The following EGR4 variants were observed in gnomAD, a reference collection of about 807,000 sequenced individuals.
The protein encoded by EGR4 is early growth response 4.
A neutral mutation model predicts 25.4 loss-of-function variants in EGR4; 22 were observed. The observed-to-expected ratio is 0.87, with a 90% CI of 0.62 to 1.24. EGR4 has a LOEUF of 1.24. Ranked by LOEUF, EGR4 falls within the 50% of genes most tolerant of loss-of-function variation. The probability of loss-of-function intolerance (pLI) is 0.00; values close to 1 mark genes in which losing one functional copy is unlikely to be tolerated. For synonymous variants in EGR4, 375 were observed against 320.1 expected (o/e 1.17, Z -1.83); for missense variants, 742 against 702.9 (o/e 1.06, Z -0.63).
At chr2:73,293,052 C>G in intron 1 of EGR4, 130 bp downstream of exon 1, 1 of 1,045,142 alleles carries the variant, frequency 9.6e-7, no homozygotes, top group Non-Finnish European at 1.3e-6. Flanking sequence ...GGTGCGCACC[C>G]CAGGACTCCT....
At position 73,292,660 on chromosome 2, in the gene EGR4, G is replaced by A; in HGVS notation, c.258C>T (p.Phe86=). 6.5e-7 allele frequency: 1 copy of A among 1,547,092 alleles called. No individual in the cohort carries two copies. Among genetic ancestry groups the A allele is most frequent in the Non-Finnish European group, 8.7e-7 (1 of 1,146,524 alleles). The change falls in exon 2 of 2, where the codon TTC becomes TTT. Residue 86 remains phenylalanine (F), a synonymous_variant. Coordinates refer to ENST00000436467, the MANE Select transcript of EGR4 (RefSeq NM_001965.4). The part of the protein sequence containing the change: ...PPPGLSYSGS[F]FIQAVPEHPH... ...GGTGTTCGGGCACTGCCTGAATGAA[G>A]AAGCTACCGCTGTAGCTGAGGCCGG...
In EGR4 at chr2:73,291,964, G is replaced by A. The variant is rs748451148; in HGVS notation, c.954C>T (p.Ser318=). Reference sequence around the variant, plus strand: ...GTTTAGGGAAGTCCGCCGCGGCGGCGCTGCGAAGGCCCAGCGGGGAAAGCT... The same window carrying A: ...GTTTAGGGAAGTCCGCCGCGGCGGCACTGCGAAGGCCCAGCGGGGAAAGCT... The part of the protein sequence containing the change: ...QPQLSPLGLR[S]AAAADFPKPL... The change falls in exon 2 of 2, where the codon AGC becomes AGT. Residue 318 remains serine, a synonymous_variant. Transcript: ENST00000436467. 46 of 1,594,952 alleles carry A rather than the reference G, an allele frequency of 2.9e-5. No individual in the cohort carries two copies. Among genetic ancestry groups the A allele is most frequent in the African/African-American group, 1.7e-4 (13 of 74,492 alleles).
In EGR4 at chr2:73,292,172, G is replaced by A; in HGVS notation, c.746C>T (p.Pro249Leu). 6.3e-7 allele frequency: 1 copy of A among 1,587,600 alleles called. No individual in the cohort carries two copies. Among genetic ancestry groups the A allele is most frequent in the East Asian group, 2.3e-5 (1 of 43,372 alleles). ...KIEDLLSISC[P>L]AELPAVPANR... is the part of the protein sequence containing the mutation. ...GGCTGGGACGGCCGGCAGTTCCGCA[G>A]GGCAGCTGATGGACAGCAAGTCCTC... The change falls in exon 2 of 2, where the codon CCT becomes CTT. Residue 249 changes from proline (P) to leucine (L), a missense_variant. Pro to Leu is a moderately conservative substitution (Grantham distance 98, BLOSUM62 -3). Coordinates refer to ENST00000436467, the MANE Select transcript of EGR4 (RefSeq NM_001965.4).
Position 73,292,468 on chromosome 2 carries a change from G to A in EGR4, c.450C>T (p.Gly150=), listed in dbSNP as rs943814802. The A allele has an allele frequency of 1.3e-6, 2 of 1,511,862 alleles. No homozygotes were observed. The highest frequency in any genetic ancestry group is 1.4e-5 in the African/African-American group (1 of 71,806). 93.7% of individuals were successfully genotyped at this position (1,511,862 alleles called of 1,614,324 possible). The change falls in exon 2 of 2, where the codon GGC becomes GGT. Residue 150 remains glycine, a synonymous_variant. Transcript: ENST00000436467. Reference sequence around the variant, plus strand: ...AGAACGCCTCTGGGAAAGGGGCAGCGCCCAGATCCGGGGAGTAAAGGTCCG... The same window carrying A: ...AGAACGCCTCTGGGAAAGGGGCAGCACCCAGATCCGGGGAGTAAAGGTCCG... ...GPPDLYSPDL[G]AAPFPEAFWE...
Position 73,291,381 on chromosome 2 carries a change from A to T in EGR4, c.*76T>A, listed in dbSNP as rs1394982921. Reference sequence around the variant, plus strand: ...CGGGCGTGCGAGGAGGAGTTGGAAGAAGAGCGGGGAGGGGAACGGCCCGGA... The same window carrying T: ...CGGGCGTGCGAGGAGGAGTTGGAAGTAGAGCGGGGAGGGGAACGGCCCGGA... On this transcript the variant is annotated 3_prime_UTR_variant, in exon 2 of 2. Coordinates refer to ENST00000436467, the MANE Select transcript of EGR4 (RefSeq NM_001965.4). The T allele has an allele frequency of 6.6e-7, 1 of 1,513,572 alleles. No homozygotes were observed. 93.8% of individuals were successfully genotyped at this position (1,513,572 alleles called of 1,614,324 possible).
rs767230034 is a variant in EGR4 at position 73,291,944 on chromosome 2, G to A, written c.974C>T (p.Pro325Leu). 2 of 1,587,100 alleles carry A rather than the reference G, an allele frequency of 1.3e-6. No homozygotes were observed. Among genetic ancestry groups the A allele is most frequent in the African/African-American group, 2.7e-5 (2 of 74,424 alleles). The change falls in exon 2 of 2, where the codon CCT becomes CTT. Residue 325 changes from proline (P) to leucine (L), a missense_variant. Physicochemically the swap from Pro to Leu is moderately conservative, Grantham distance 98 (BLOSUM62 -3). Transcript: ENST00000436467. The part of the protein sequence containing the change: ...GLRSAAAADF[P>L]KPLVADIPGS... The stretch of plus-strand genomic sequence containing the variant: ...AGGGATGTCCGCCACCAGAGGTTTA[G>A]GGAAGTCCGCCGCGGCGGCGCTGCG...
At chr2:73,293,049 A>C (rs895760132) in intron 1 of EGR4, 133 bp downstream of exon 1, 13 of 1,000,026 alleles carry the variant, frequency 1.3e-5, no homozygotes, top group Non-Finnish European at 1.7e-5. Flanking sequence ...GGGGGTGCGC[A>C]CCCCAGGACT....
Position 73,293,421 on chromosome 2 carries a change from C to G in EGR4, c.-104G>C. The G allele has an allele frequency of 1.3e-6, 2 of 1,521,368 alleles. No homozygotes were observed. Among genetic ancestry groups the G allele is most frequent in the East Asian group, 5.3e-5 (2 of 37,474 alleles). 94.2% of individuals were successfully genotyped at this position (1,521,368 alleles called of 1,614,324 possible). On this transcript the variant is annotated 5_prime_UTR_variant, in exon 1 of 2. Coordinates refer to ENST00000436467, the MANE Select transcript of EGR4 (RefSeq NM_001965.4). ...TAGGGGTTCCCCGCAGCGCACAGAC[C>G]TAGGCGCCCGGGCTCCTGGCTTCGG...
Position 73,293,481 on chromosome 2 carries a change from G to A in EGR4, c.-164C>T. 1 of 1,501,712 alleles carries A rather than the reference G, an allele frequency of 6.7e-7. No individual in the cohort carries two copies. The highest frequency in any genetic ancestry group is 8.9e-7 in the Non-Finnish European group (1 of 1,126,998). 93.0% of individuals were successfully genotyped at this position (1,501,712 alleles called of 1,614,324 possible). On this transcript the variant is annotated 5_prime_UTR_variant, in exon 1 of 2. Transcript: ENST00000436467. ...TCTGGGAAAGGAGTCGGGGAGCCGCGGCGCCCTCGCTCGCCCGCACCGGCC... is the reference window on the plus strand; with the variant it reads ...TCTGGGAAAGGAGTCGGGGAGCCGCAGCGCCCTCGCTCGCCCGCACCGGCC...
chr2:73,292,710 C>A lies in EGR4; in HGVS notation c.208G>T (p.Glu70Ter). 1 of 1,493,136 alleles carries A rather than the reference C, an allele frequency of 6.7e-7. No individual in the cohort carries two copies. Among genetic ancestry groups the A allele is most frequent in the Non-Finnish European group, 8.9e-7 (1 of 1,121,462 alleles). The allele number at this position is 1,493,136 out of a possible 1,614,324, so 92.5% of individuals were successfully genotyped here. A position where few individuals can be genotyped will look rare whatever the true frequency, so the allele number is the denominator to read the frequency against. ...GGAGGGGGTGTGGGCGCAGGCCCCT[C>A]CAGGAAGCAGGAGTCGGCTAAGTCC... is the stretch of plus-strand genomic sequence containing the variant. ...SGDLADSCFL[E>*]GPAPTPPPGL... The change falls in exon 2 of 2, where the codon GAG (glutamate) becomes TAG (stop). Residue 70 changes from glutamate to a stop codon, truncating the protein, a stop_gained. Transcript: ENST00000436467. LOFTEE classifies it high-confidence loss of function.
rs1689133911 is a variant in EGR4 at position 73,292,608 on chromosome 2, G to A, written c.310C>T (p.Leu104Phe). The A allele has an allele frequency of 1.3e-6, 2 of 1,532,782 alleles. No individual in the cohort carries two copies. Among genetic ancestry groups the A allele is most frequent in the Admixed American group, 2.1e-5 (1 of 47,684 alleles). 94.9% of individuals were successfully genotyped at this position (1,532,782 alleles called of 1,614,324 possible). Residue 104 changes from leucine (L) to phenylalanine (F), a missense_variant, in exon 2 of 2, where the codon CTC becomes TTC. Transcript: ENST00000436467. ...HPHDPEALFN[L>F]MSGILGLAPF... is the part of the protein sequence containing the mutation. ...GCCAGGCCTAAGATGCCCGACATGAGGTTGAAGAGTGCCTCCGGGTCGTGC... is the reference window on the plus strand; with the variant it reads ...GCCAGGCCTAAGATGCCCGACATGAAGTTGAAGAGTGCCTCCGGGTCGTGC...
rs1027049024 is a variant in EGR4 at position 73,293,120 on chromosome 2, A to T, written c.136+62T>A. 47 of 1,356,090 alleles carry T rather than the reference A, an allele frequency of 3.5e-5. No homozygotes were observed. The African/African-American group carries it at 6.0e-4, about 17-fold the overall frequency. 84.0% of individuals were successfully genotyped at this position (1,356,090 alleles called of 1,614,324 possible). A position where few individuals can be genotyped will look rare whatever the true frequency, so the allele number is the denominator to read the frequency against. On this transcript the variant is annotated intron_variant, in intron 1 of 1. Coordinates refer to ENST00000436467, the MANE Select transcript of EGR4 (RefSeq NM_001965.4). ...AATGTCCCAGTCCCTCCTGGTTCTC[A>T]GGTATGGTGCGCCCCCGCGCTGCGC...
rs1689091692 is a variant in EGR4 at position 73,291,371 on chromosome 2, G to T, written c.*86C>A. On this transcript the variant is annotated 3_prime_UTR_variant, in exon 2 of 2. Coordinates refer to ENST00000436467, the MANE Select transcript of EGR4 (RefSeq NM_001965.4). ...GGCCGGCCCTCGGGCGTGCGAGGAG[G>T]AGTTGGAAGAAGAGCGGGGAGGGGA... The T allele has an allele frequency of 1.3e-6, 2 of 1,505,582 alleles. No individual in the cohort carries two copies. The highest frequency in any genetic ancestry group is 1.8e-6 in the Non-Finnish European group (2 of 1,128,380). The allele number at this position is 1,505,582 out of a possible 1,614,324, so 93.3% of individuals were successfully genotyped here. A position where few individuals can be genotyped will look rare whatever the true frequency, so the allele number is the denominator to read the frequency against.
chr2:73,293,065 G>A (rs550150527), intron 1 of EGR4, 117 bp downstream of exon 1: 253 of 1,121,350 alleles, frequency 2.3e-4, no homozygotes, highest in Middle Eastern at 1.3e-3. Context: ...GGACTCCTAA[G>A]CTTCCCATCG....
In EGR4 at chr2:73,292,204, G is replaced by C. The variant is rs756321049; in HGVS notation, c.714C>G (p.Thr238=). ...APEARFPVIG[T]KIEDLLSISC... is the part of the protein sequence containing the mutation. ...TGATGGACAGCAAGTCCTCAATCTT[G>C]GTCCCTATTACGGGAAAACGAGCCT... Residue 238 remains threonine, a synonymous_variant, in exon 2 of 2, where the codon ACC becomes ACG. Coordinates refer to ENST00000436467, the MANE Select transcript of EGR4 (RefSeq NM_001965.4). The C allele has an allele frequency of 6.3e-7, 1 of 1,594,614 alleles. No homozygotes were observed. The highest frequency in any genetic ancestry group is 8.5e-7 in the Non-Finnish European group (1 of 1,170,646).
In EGR4 at chr2:73,293,276, G is replaced by A. The variant is rs749219249; in HGVS notation, c.42C>T (p.Leu14=). 6 of 1,589,750 alleles carry A rather than the reference G, an allele frequency of 3.8e-6. No homozygotes were observed. Among genetic ancestry groups the A allele is most frequent in the Admixed American group, 1.8e-5 (1 of 55,722 alleles). ...LSEFSEPDAL[L]VKSTEGCCAE... ...CGCAACAGCCTTCAGTGGACTTGACGAGGAGCGCGTCGGGTTCGGAAAACT... is the reference window on the plus strand; with the variant it reads ...CGCAACAGCCTTCAGTGGACTTGACAAGGAGCGCGTCGGGTTCGGAAAACT... The change falls in exon 1 of 2, where the codon CTC becomes CTT. Residue 14 remains leucine, a synonymous_variant. Coordinates refer to ENST00000436467, the MANE Select transcript of EGR4 (RefSeq NM_001965.4).
Position 73,291,227 on chromosome 2 carries a change from TC to T in EGR4, c.*229del. The T allele has an allele frequency of 1.7e-6, 1 of 592,644 alleles. No individual in the cohort carries two copies. Among genetic ancestry groups the T allele is most frequent in the South Asian group, 2.3e-5 (1 of 43,014 alleles). 36.7% of individuals were successfully genotyped at this position (592,644 alleles called of 1,614,324 possible). A position where few individuals can be genotyped will look rare whatever the true frequency, so the allele number is the denominator to read the frequency against. On this transcript the variant is annotated 3_prime_UTR_variant, in exon 2 of 2. Transcript: ENST00000436467. ...ATTCACTGGGTGGTCTCAGAAGACT[TC>T]CCCCAAAGCGCGGCTGACAAGGGTG... is the stretch of plus-strand genomic sequence containing the variant.
rs778001292 is a variant in EGR4 at position 73,291,468 on chromosome 2, C to A, written c.1450G>T (p.Ala484Ser). 2 of 1,601,928 alleles carry A rather than the reference C, an allele frequency of 1.2e-6. No individual in the cohort carries two copies. Among genetic ancestry groups the A allele is most frequent in the Non-Finnish European group, 1.7e-6 (2 of 1,173,288 alleles). ...AACCCATCTCTTGCTCAGAGAGAAG[C>A]GAAGGAGAGGCCCAGCGAGTAAAAG... The part of the protein sequence containing the change: ...LGFYSLGLSF[A>S]SL The change falls in exon 2 of 2, where the codon GCT becomes TCT. Residue 484 changes from alanine (A) to serine (S), a missense_variant. Physicochemically the swap from Ala to Ser is moderately conservative, Grantham distance 99. Transcript: ENST00000436467.
intron 1 of EGR4, 74 bp from the exon 2 acceptor site, chr2:73,292,855 C>T: frequency 3.8e-6 from 5 of 1,331,410 alleles, no homozygotes; most frequent in Non-Finnish European, 4.8e-6. Context: ...ACCTACAAAA[C>T]TCTTGGTGCC....
Sources: gnomAD v4.1 joint callset for allele counts on GRCh38, gnomAD v4.1.1 for gene constraint, MANE v1.5 for transcripts, NCBI Gene and HGNC (gene_info 2026-07-23, HGNC 2026-07-21) for gene names.